The following USP25 variants were observed in gnomAD, a reference collection of about 807,000 sequenced individuals.
USP25 encodes ubiquitin specific peptidase 25, also known as ubiquitin carboxyl-terminal hydrolase 25.
A neutral mutation model predicts 158.5 loss-of-function variants in USP25; 85 were observed. The ratio of observed to expected loss-of-function variants is 0.54; its 90% CI spans 0.45 to 0.64. The LOEUF (loss-of-function observed/expected upper bound fraction) is 0.64. Ranked by LOEUF, USP25 falls within the 30% of genes least tolerant of loss-of-function variation. The probability of loss-of-function intolerance (pLI) is 0.00; values close to 1 mark genes in which losing one functional copy is unlikely to be tolerated. For synonymous variants in USP25, 464 were observed against 460.4 expected, an observed-to-expected ratio of 1.01 and a Z score of -0.10; for missense variants, 1,242 against 1,327.3, an observed-to-expected ratio of 0.94 and a Z score of 1.00.
chr21:15,823,961 C>T lies in USP25; in HGVS notation c.1081-78C>T, dbSNP rs878860881. ...TGATACATATAACAATGTCAGTGCC[C>T]ACATCCTGTGCCTAAGATTGCAGTG... is the stretch of plus-strand genomic sequence containing the variant. On this transcript the variant is annotated intron_variant, in intron 10 of 25. Coordinates refer to ENST00000400183, the MANE Select transcript of USP25 (RefSeq NM_001283041.3). 1.6e-5 allele frequency: 23 copies of T among 1,412,786 alleles called. No individual in the cohort carries two copies. The South Asian group carries it at 2.6e-4, about 16-fold the overall frequency. The allele number at this position is 1,412,786 out of a possible 1,614,324, so 87.5% of individuals were successfully genotyped here. A position where few individuals can be genotyped will look rare whatever the true frequency, so the allele number is the denominator to read the frequency against.
chr21:15,744,235 G>C (rs1369450225), intron 1 of USP25: 1 of 152,706 alleles, frequency 6.5e-6, no homozygotes, highest in Non-Finnish European at 1.5e-5. Flanking sequence ...TGTGGTCCTA[G>C]GGCTGTGTGA....
At chr21:15,834,373 G>A (rs1345891844) in intron 17 of USP25, among the ~76,000 whole-genome samples, 7 of 151,988 alleles carry the variant, frequency 4.6e-5, no homozygotes, top group East Asian at 1.9e-4. Flanking sequence ...TAAATTAAGC[G>A]CATATATTTT....
intron 20 of USP25, among the ~76,000 whole-genome samples, chr21:15,863,951 C>G (rs1310918039): frequency 1.3e-5 from 2 of 151,300 alleles, no homozygotes; most frequent in Non-Finnish European, 2.9e-5. Context: ...GCAGGAGATT[C>G]ACTTGAACCT....
chr21:15,827,623 T>C (rs2037577134), intron 14 of USP25, among the ~76,000 whole-genome samples: 1 of 152,156 alleles, frequency 6.6e-6, no homozygotes, highest in Non-Finnish European at 1.5e-5. Context: ...AAATGTGAAT[T>C]TTAATTTTTA....
intron 5 of USP25, among the ~76,000 whole-genome samples, chr21:15,796,777 A>G (rs1276191623): frequency 6.6e-6 from 1 of 151,376 alleles, no homozygotes; most frequent in African/African-American, 2.4e-5. Flanking sequence ...TCAATTTTTC[A>G]TACACAATGT....
intron 1 of USP25, among the ~76,000 whole-genome samples, chr21:15,741,438 C>G (rs990491556): frequency 1.3e-4 from 20 of 152,050 alleles, no homozygotes; most frequent in African/African-American, 4.6e-4. Flanking sequence ...TTGATTGTAT[C>G]ATTGTACATT....
intron 1 of USP25, 43 bp from the exon 2 acceptor site, chr21:15,762,848 C>G (rs756636246): frequency 1.3e-6 from 2 of 1,535,498 alleles, no homozygotes; most frequent in African/African-American, 1.4e-5. Flanking sequence ...AGTATATTTT[C>G]AGAGTTGAGA....
rs1352141382 is a variant in USP25 at position 15,844,265 on chromosome 21, C to T, written c.2337+1725C>T. Among the ~76,000 whole-genome samples, 5 of 152,188 alleles carry T rather than the reference C, an allele frequency of 3.3e-5. No individual in the cohort carries two copies. In the South Asian group the frequency reaches 6.2e-4, roughly 19 times the overall value. On this transcript the variant is annotated intron_variant, in intron 18 of 25. Transcript: ENST00000400183. ...GTTTTTTTCATTTAAACTTAGCGTA[C>T]ACTAGAAGCTAAATTGCACAGGTGA...
intron 5 of USP25, among the ~76,000 whole-genome samples, chr21:15,796,893 A>G (rs1211349963): frequency 2.0e-5 from 3 of 151,494 alleles, no homozygotes; most frequent in Non-Finnish European, 4.4e-5. Context: ...CTTGTCTGCC[A>G]TAATAATAAT....
Position 15,844,669 on chromosome 21 carries a change from A to G in USP25, c.2337+2129A>G, listed in dbSNP as rs376205866. Among the ~76,000 whole-genome samples, 37 of 152,278 alleles carry G rather than the reference A, an allele frequency of 2.4e-4. No homozygotes were observed. In the East Asian group the frequency reaches 3.5e-3, roughly 14 times the overall value. ...AAAAATGTCTTTAATTTTAAATGGA[A>G]TACTTAGGATATTTTCAATATAGAA... On this transcript the variant is annotated intron_variant, in intron 18 of 25. Coordinates refer to ENST00000400183, the MANE Select transcript of USP25 (RefSeq NM_001283041.3).
At chr21:15,736,754 A>T (rs2031559310) in intron 1 of USP25, among the ~76,000 whole-genome samples, 1 of 152,042 alleles carries the variant, frequency 6.6e-6, no homozygotes, top group Non-Finnish European at 1.5e-5. Flanking sequence ...TGGTATTCCT[A>T]GTTTTGTTGG....
rs535517721 is a variant in USP25, at chr21:15,818,634, G to A, written c.932-64G>A. 4.1e-5 allele frequency: 58 copies of A among 1,418,532 alleles called. No individual in the cohort carries two copies. In the South Asian group the frequency reaches 5.1e-4, roughly 12 times the overall value. 87.9% of individuals were successfully genotyped at this position (1,418,532 alleles called of 1,614,324 possible). A position where few individuals can be genotyped will look rare whatever the true frequency, so the allele number is the denominator to read the frequency against. ...TTCAGGTTCAGGTGAGAATCCTTAC[G>A]TACTCTTAATTTTAGTAGCCAGAAG... On this transcript the variant is annotated intron_variant, in intron 9 of 25. Coordinates refer to ENST00000400183, the MANE Select transcript of USP25 (RefSeq NM_001283041.3).
chr21:15,750,180 CCGTG>C lies in USP25; in HGVS notation c.46-12710_46-12707del. 2.2e-5 allele frequency among the ~76,000 whole-genome samples: 3 copies of C among 134,538 alleles called. No individual in the cohort carries two copies. In the East Asian group the frequency reaches 6.3e-4, roughly 28 times the overall value. 88.3% of individuals were successfully genotyped at this position (134,538 alleles called of 152,430 possible). A position where few individuals can be genotyped will look rare whatever the true frequency, so the allele number is the denominator to read the frequency against. On this transcript the variant is annotated intron_variant, in intron 1 of 25. Coordinates refer to ENST00000400183, the MANE Select transcript of USP25 (RefSeq NM_001283041.3). ...TTATACTTTAATGAAATCTCCAGTGCCGTGTGTGTGTGTGTGTGTGTGTGTGTGT... is the reference window on the plus strand; with the variant it reads ...TTATACTTTAATGAAATCTCCAGTGCTGTGTGTGTGTGTGTGTGTGTGTGT...
At chr21:15,763,006 A>G in intron 2 of USP25, 38 bp downstream of exon 2, 3 of 1,567,356 alleles carry the variant, frequency 1.9e-6, no homozygotes, top group Non-Finnish European at 2.6e-6. Flanking sequence ...TTTGTGGTAT[A>G]TGCTCATCTC....
intron 1 of USP25, among the ~76,000 whole-genome samples, chr21:15,732,529 T>G (rs1167418209): frequency 6.6e-6 from 1 of 152,214 alleles, no homozygotes; most frequent in African/African-American, 2.4e-5. Context: ...AGTGAAAGTC[T>G]GTTTTTACTC....
At position 15,875,292 on chromosome 21, in the gene USP25, C is replaced by T. The variant is rs1387126700; in HGVS notation, c.3009+766C>T. ...CTTTAAACATACATAGAACCAAAAC[C>T]TGATGGTTCCTCTGAAACCTTCAAA... On this transcript the variant is annotated intron_variant, in intron 24 of 25. Transcript: ENST00000400183. This position sits in a 1 kb window ranked among gnomAD's most constrained non-coding sequence, Gnocchi z 4.7. Among the ~76,000 whole-genome samples the T allele has an allele frequency of 1.3e-5, 2 of 152,066 alleles. No individual in the cohort carries two copies. The highest frequency in any genetic ancestry group is 2.9e-5 in the Non-Finnish European group (2 of 68,000).
chr21:15,743,205 G>A (rs901775006), intron 1 of USP25, among the ~76,000 whole-genome samples: 7 of 152,216 alleles, frequency 4.6e-5, no homozygotes, highest in Non-Finnish European at 8.8e-5. Context: ...CAGAGGGGTC[G>A]CGGCTCATCA....
chr21:15,734,963 G>A (rs1442395115), intron 1 of USP25, among the ~76,000 whole-genome samples: 1 of 152,106 alleles, frequency 6.6e-6, no homozygotes, highest in South Asian at 2.1e-4. Flanking sequence ...ACCTTATGAA[G>A]TGAGTGCTAT....
At chr21:15,752,750 A>C (rs1379498273) in intron 1 of USP25, among the ~76,000 whole-genome samples, 1 of 152,210 alleles carries the variant, frequency 6.6e-6, no homozygotes, top group Non-Finnish European at 1.5e-5. Context: ...GTAGGAAGAG[A>C]CTTAAAATTT....
Sources: gnomAD v4.1 joint callset for allele counts (sites outside exome capture counted in the v4.1 genomes callset) on GRCh38, gnomAD v4.1.1 for gene constraint, Gnocchi (gnomAD v3.1) non-coding constraint, MANE v1.5 for transcripts, NCBI Gene and HGNC (gene_info 2026-07-23, HGNC 2026-07-21) for gene names.